The following PATJ variants were observed in gnomAD, a reference collection of about 807,000 sequenced individuals.
PATJ encodes the protein PATJ crumbs cell polarity complex component.
Under a neutral mutation model 224.9 loss-of-function variants are expected in PATJ, and 190 were observed. That is an observed-to-expected ratio of 0.84 (90% CI 0.75 to 0.95). The LOEUF is 0.95. Ranked by LOEUF, PATJ falls within the 40% of genes least tolerant of loss-of-function variation. PATJ has a pLI of 0.00. For missense variants in PATJ, 2,121 were observed against 2,270.3 expected (o/e 0.93, Z 1.34); for synonymous variants, 769 against 820.3 (o/e 0.94, Z 1.07).
In PATJ at chr1:61,828,614, A is replaced by T. The variant is rs143450616; in HGVS notation, c.1980+1031A>T. Among the ~76,000 whole-genome samples, 117 of 151,690 alleles carry T rather than the reference A, an allele frequency of 7.7e-4. No homozygotes were observed. The Middle Eastern group carries it at 0.01, about 13-fold the overall frequency. ...GCCGTATTTCCCAGGGTGGTCTCAA[A>T]CTCCTGGACTCAAGCAATCCTCCCA... On this transcript the variant is annotated intron_variant, in intron 16 of 43. Transcript: ENST00000642238.
intron 1 of PATJ, among the ~76,000 whole-genome samples, chr1:61,751,864 C>T (rs969064507): frequency 3.4e-5 from 5 of 145,790 alleles, no homozygotes; most frequent in East Asian, 4.2e-4. Flanking sequence ...AAAGGCCGGG[C>T]GTGGTGGCTC....
chr1:62,085,623 G>A (rs1184835488), intron 33 of PATJ, among the ~76,000 whole-genome samples: 2 of 151,890 alleles, frequency 1.3e-5, no homozygotes, highest in Non-Finnish European at 2.9e-5. Flanking sequence ...GAGACAGCCT[G>A]GGCAACATAG....
At position 61,974,605 on chromosome 1, in the gene PATJ, AAAAC is replaced by A. The variant is rs759415641; in HGVS notation, c.3671-15554_3671-15551del. Among the ~76,000 whole-genome samples the A allele has an allele frequency of 3.4e-3, 518 of 152,000 alleles. 3 individuals are homozygous for A. Among genetic ancestry groups the A allele is most frequent in the Non-Finnish European group, 5.5e-3 (373 of 68,018 alleles). ...GTGACAGAATGAGACTCTGTCTCAAAAAACAAACAAACGGGCTTTCTGCTCCAAA... is the reference window on the plus strand; with the variant it reads ...GTGACAGAATGAGACTCTGTCTCAAAAAACAAACGGGCTTTCTGCTCCAAA... On this transcript the variant is annotated intron_variant, in intron 27 of 43. Transcript: ENST00000642238.
intron 30 of PATJ, among the ~76,000 whole-genome samples, chr1:62,041,264 T>C (rs866434335): frequency 1.3e-5 from 2 of 152,198 alleles, no homozygotes; most frequent in Non-Finnish European, 2.9e-5. Flanking sequence ...TCTTTATATA[T>C]GTATGTCCTG....
At chr1:62,154,221 ATTT>A (rs1300253749) in intron 43 of PATJ, among the ~76,000 whole-genome samples, 1 of 151,922 alleles carries the variant, frequency 6.6e-6, no homozygotes, top group Non-Finnish European at 1.5e-5. Context: ...AACTTCACTG[ATTT>A]TTTTAATTGG....
intron 43 of PATJ, among the ~76,000 whole-genome samples, chr1:62,159,555 CTTTTT>C (rs56862738): frequency 1.5e-5 from 2 of 134,752 alleles, no homozygotes; most frequent in African/African-American, 5.5e-5. Flanking sequence ...ATTTCGAATA[CTTTTT>C]TTTTTTTTTT....
chr1:62,075,946 C>T (rs1658230955), intron 31 of PATJ, among the ~76,000 whole-genome samples: 1 of 151,216 alleles, frequency 6.6e-6, no homozygotes, highest in Non-Finnish European at 1.5e-5. Flanking sequence ...AAGAAAAACA[C>T]TGACAAGTAC....
chr1:61,965,121 CAAAAAAAAAAAA>C (rs34267345), intron 27 of PATJ, among the ~76,000 whole-genome samples: 46 of 54,360 alleles, frequency 8.5e-4, no homozygotes, highest in African/African-American at 1.6e-3. Context: ...GACTCTGTCT[CAAAAAAAAAAAA>C]AAAAAAAAAA....
intron 7 of PATJ, among the ~76,000 whole-genome samples, chr1:61,787,549 C>G (rs769698797): frequency 1.3e-5 from 2 of 152,172 alleles, no homozygotes; most frequent in African/African-American, 4.8e-5. Context: ...TTACTTTTCT[C>G]ATTTTGAGCC....
intron 28 of PATJ, among the ~76,000 whole-genome samples, chr1:62,016,259 T>C (rs1317572144): frequency 6.6e-6 from 1 of 152,230 alleles, no homozygotes; most frequent in African/African-American, 2.4e-5. Flanking sequence ...TATATTTTCA[T>C]TTCATATTTT....
chr1:61,847,875 A>G (rs1662212633), intron 17 of PATJ, among the ~76,000 whole-genome samples: 1 of 152,212 alleles, frequency 6.6e-6, no homozygotes, highest in African/African-American at 2.4e-5. Context: ...GGCAAAGGAA[A>G]AAGAAGAGGT....
intron 31 of PATJ, among the ~76,000 whole-genome samples, chr1:62,057,788 A>G (rs1654795975): frequency 6.6e-6 from 1 of 152,244 alleles, no homozygotes; most frequent in Non-Finnish European, 1.5e-5. Context: ...TTAAATGGCA[A>G]ATGCCATAGC....
chr1:61,875,247 A>G lies in PATJ; in HGVS notation c.2840A>G (p.Lys947Arg). 6.3e-7 allele frequency: 1 copy of G among 1,588,386 alleles called. No homozygotes were observed. Among genetic ancestry groups the G allele is most frequent in the South Asian group, 1.1e-5 (1 of 88,066 alleles). ...TCTATTTTTCTTCCTCTCAAGATGA[A>G]AGAAAATTTTGTCATGGAGTCCCTA... is the stretch of plus-strand genomic sequence containing the variant. ...PYGYCPENVM[K>R]ENFVMESLPS... is the part of the protein sequence containing the mutation. The change falls in exon 21 of 44, where the codon AAA becomes AGA. Residue 947 changes from lysine (K) to arginine (R), a missense_variant. Coordinates refer to ENST00000642238, the MANE Select transcript of PATJ (RefSeq NM_001350145.3).
intron 25 of PATJ, among the ~76,000 whole-genome samples, chr1:61,912,400 C>T (rs1464783463): frequency 6.6e-6 from 1 of 151,870 alleles, no homozygotes; most frequent in Admixed American, 6.6e-5. Context: ...TGGAGACCAG[C>T]CTGGCCAACA....
intron 41 of PATJ, among the ~76,000 whole-genome samples, chr1:62,133,382 G>A (rs1272735439): frequency 6.6e-6 from 1 of 152,148 alleles, no homozygotes. Flanking sequence ...AGGAGTTTGA[G>A]ACCAGCCTGG....
intron 26 of PATJ, among the ~76,000 whole-genome samples, chr1:61,923,383 T>C (rs1674614776): frequency 1.3e-5 from 2 of 152,158 alleles, no homozygotes; most frequent in Non-Finnish European, 2.9e-5. Flanking sequence ...ATGTAATTAG[T>C]ATGAAAATAA....
chr1:62,031,293 G>C (rs575349263), intron 29 of PATJ, among the ~76,000 whole-genome samples: 2 of 152,188 alleles, frequency 1.3e-5, no homozygotes, highest in South Asian at 4.1e-4. Flanking sequence ...TGAAGCTAGA[G>C]GATTTATGAA....
intron 41 of PATJ, among the ~76,000 whole-genome samples, chr1:62,129,551 T>C (rs1015755947): frequency 6.6e-6 from 1 of 152,238 alleles, no homozygotes; most frequent in Admixed American, 6.5e-5. Flanking sequence ...ATTGACACCA[T>C]GCAGTGACTG....
At chr1:61,902,226 GA>G (rs68061861) in intron 24 of PATJ, among the ~76,000 whole-genome samples, 107,783 of 143,938 alleles carry the variant, frequency 0.75, 40,274 homozygotes, top group East Asian at 0.99. Flanking sequence ...CTCAAAGCAG[GA>G]AAAAAAAAAA....
Sources: allele counts gnomAD v4.1 joint callset (sites outside exome capture counted in the v4.1 genomes callset), GRCh38; gene constraint gnomAD v4.1.1; transcripts MANE v1.5; gene names NCBI Gene and HGNC (gene_info 2026-07-23, HGNC 2026-07-21).